The following NUP188 variants were observed in gnomAD, a reference collection of about 807,000 sequenced individuals.
NUP188 encodes nucleoporin 188.
Under a neutral mutation model 223.0 loss-of-function variants are expected in NUP188, and 97 were observed. The ratio of observed to expected loss-of-function variants is 0.43; its 90% CI spans 0.37 to 0.51. NUP188 has a LOEUF of 0.51. NUP188 is among the 20% of genes least tolerant of loss of function. The probability of loss-of-function intolerance (pLI) is 0.00; values close to 1 mark genes in which losing one functional copy is unlikely to be tolerated. For missense variants in NUP188, 1,947 were observed against 2,175.6 expected (o/e 0.89, Z 2.09); for synonymous variants, 869 against 828.0 (o/e 1.05, Z -0.85).
chr9:128,994,772 G>A, intron 28 of NUP188, 84 bp from the exon 29 acceptor site: 2 of 1,129,468 alleles, frequency 1.8e-6, no homozygotes, highest in Non-Finnish European at 1.3e-6. Flanking sequence ...CAAGTGTTGG[G>A]CCCCTGCTCT....
intron 23 of NUP188, 71 bp from the exon 24 acceptor site, chr9:128,987,976 C>A: frequency 6.6e-7 from 1 of 1,511,976 alleles, no homozygotes; most frequent in South Asian, 1.2e-5. Context: ...GAATCTAATT[C>A]ATGAGAGCAC....
At chr9:128,951,438 C>A in intron 2 of NUP188, among the ~76,000 whole-genome samples, 1 of 151,298 alleles carries the variant, frequency 6.6e-6, no homozygotes, top group Non-Finnish European at 1.5e-5. Flanking sequence ...ATGATTGCAT[C>A]ACTGCACTCC....
At chr9:129,001,143 T>C (rs1464746247) in intron 34 of NUP188, among the ~76,000 whole-genome samples, 1 of 152,072 alleles carries the variant, frequency 6.6e-6, no homozygotes, top group Admixed American at 6.6e-5. Context: ...TAGGAGATGG[T>C]TGCAGTAGCA....
At position 129,006,112 on chromosome 9, in the gene NUP188, C is replaced by T. The variant is rs777074174; in HGVS notation, c.4932C>T (p.Thr1644=). 6.2e-7 allele frequency: 1 copy of T among 1,614,164 alleles called. No individual in the cohort carries two copies. Among genetic ancestry groups the T allele is most frequent in the East Asian group, 2.2e-5 (1 of 44,882 alleles). The change falls in exon 42 of 44, where the codon ACC becomes ACT. Residue 1644 remains threonine, a synonymous_variant. Coordinates refer to ENST00000372577, the MANE Select transcript of NUP188 (RefSeq NM_015354.3). ...GGCTCAGCACACAGGCAGAAGGGAC[C>T]AGGACGTTAAAGTAAGTGCTCTTTC... The part of the protein sequence containing the change: ...AVGLSTQAEG[T]RTLKSLLMFT...
Position 128,954,856 on chromosome 9 carries a change from CT to C in NUP188, c.162-1480del, listed in dbSNP as rs777885777. ...AAATACACAGAGGTGAGGTGCTCTT[CT>C]TTTTTTTTTTTTTGAGATGGAGTTT... On this transcript the variant is annotated intron_variant, in intron 3 of 43. Transcript: ENST00000372577. Among the ~76,000 whole-genome samples the C allele has an allele frequency of 2.7e-3, 372 of 137,098 alleles. 1 individual carries two copies. Among genetic ancestry groups the C allele is most frequent in the East Asian group, 0.011 (50 of 4,646 alleles). The allele number at this position is 137,098 out of a possible 152,430, so 89.9% of individuals were successfully genotyped here. A position where few individuals can be genotyped will look rare whatever the true frequency, so the allele number is the denominator to read the frequency against.
At chr9:128,951,198 C>T (rs907400902) in intron 2 of NUP188, among the ~76,000 whole-genome samples, 3 of 151,676 alleles carry the variant, frequency 2.0e-5, no homozygotes, top group Non-Finnish European at 2.9e-5. Flanking sequence ...ATCCCAGCTA[C>T]TCGGGAGGCT....
chr9:128,987,086 AGAGTGTGT>A (rs1371951417), intron 22 of NUP188, among the ~76,000 whole-genome samples: 132 of 128,488 alleles, frequency 1.0e-3, no homozygotes, highest in East Asian at 3.2e-3. Flanking sequence ...AGAGAGAGAG[AGAGTGTGT>A]GTGTGTGTGT....
At chr9:128,987,147 A>T (rs1284688937) in intron 22 of NUP188, among the ~76,000 whole-genome samples, 1 of 150,348 alleles carries the variant, frequency 6.7e-6, no homozygotes, top group Non-Finnish European at 1.5e-5. Flanking sequence ...GTATACATAC[A>T]CTAATATATT....
intron 8 of NUP188, among the ~76,000 whole-genome samples, chr9:128,960,973 T>C (rs567321731): frequency 6.6e-6 from 1 of 151,248 alleles, no homozygotes; most frequent in South Asian, 2.1e-4. Flanking sequence ...TAGTCTCAGC[T>C]ACTCAGGAGG....
At chr9:128,957,916 A>T in intron 5 of NUP188, 94 bp from the exon 6 acceptor site, 1 of 929,052 alleles carries the variant, frequency 1.1e-6, no homozygotes, top group Admixed American at 2.4e-5. Context: ...GTGCAATTAT[A>T]ATCTTGAAGG....
chr9:128,972,568 C>T (rs1842118324), intron 11 of NUP188, among the ~76,000 whole-genome samples: 1 of 152,192 alleles, frequency 6.6e-6, no homozygotes, highest in Admixed American at 6.5e-5. Context: ...CAATGTACAA[C>T]ACAAGAGTGA....
At chr9:128,955,868 C>A (rs1841861475) in intron 3 of NUP188, among the ~76,000 whole-genome samples, 1 of 151,258 alleles carries the variant, frequency 6.6e-6, no homozygotes, top group Non-Finnish European at 1.5e-5. Context: ...AAATTCTAGG[C>A]CTTCTCGGTG....
At chr9:128,955,403 C>T (rs1487961682) in intron 3 of NUP188, among the ~76,000 whole-genome samples, 1 of 151,984 alleles carries the variant, frequency 6.6e-6, no homozygotes, top group Non-Finnish European at 1.5e-5. Context: ...AACTCCTGGC[C>T]TCAAGCTACA....
At chr9:128,955,930 T>C (rs981288441) in intron 3 of NUP188, among the ~76,000 whole-genome samples, 2 of 152,016 alleles carry the variant, frequency 1.3e-5, no homozygotes, top group African/African-American at 4.8e-5. Flanking sequence ...GCCACAGACC[T>C]GGTTTTAAAT....
chr9:128,988,282 A>C, intron 24 of NUP188, 96 bp downstream of exon 24: 6 of 1,380,192 alleles, frequency 4.3e-6, no homozygotes, highest in Non-Finnish European at 6.0e-6. Context: ...TTTGGATGTC[A>C]ACAGTATTTT....
intron 3 of NUP188, among the ~76,000 whole-genome samples, chr9:128,953,707 TATC>T (rs770385144): frequency 2.6e-5 from 4 of 152,318 alleles, no homozygotes; most frequent in Non-Finnish European, 5.9e-5. Flanking sequence ...TAGGTACCCT[TATC>T]ATTGTTTCCA....
At chr9:128,951,953 C>A (rs1487294289) in intron 2 of NUP188, among the ~76,000 whole-genome samples, 1 of 152,030 alleles carries the variant, frequency 6.6e-6, no homozygotes, top group Non-Finnish European at 1.5e-5. Flanking sequence ...CCACCACGCC[C>A]AGCTAATTTT....
intron 31 of NUP188, 134 bp from the exon 32 acceptor site, chr9:128,998,404 C>A: frequency 1.0e-6 from 1 of 998,742 alleles, no homozygotes; most frequent in South Asian, 1.4e-5. Context: ...GCCATGCCAA[C>A]CCTGGCTTCT....
intron 33 of NUP188, 48 bp from the exon 34 acceptor site, chr9:128,999,576 G>A (rs202163015): frequency 1.3e-6 from 2 of 1,579,090 alleles, no homozygotes; most frequent in South Asian, 1.1e-5. Context: ...TGTACAGTGA[G>A]AGTTGGCCTG....
Sources: allele counts gnomAD v4.1 joint callset (sites outside exome capture counted in the v4.1 genomes callset), GRCh38; gene constraint gnomAD v4.1.1; transcripts MANE v1.5; gene names NCBI Gene and HGNC (gene_info 2026-07-23, HGNC 2026-07-21).